AMPD3: variants seen among roughly 807,000 people sequenced by gnomAD.
AMPD3 encodes AMP deaminase 3.
AMPD3 carries 57 observed loss-of-function variants against 82.3 expected under a neutral mutation model. The ratio of observed to expected loss-of-function variants is 0.69; its 90% CI spans 0.56 to 0.86. AMPD3 has a LOEUF of 0.86. Among genes scored for constraint, AMPD3 ranks in the 40% least tolerant of loss-of-function variants. The probability of loss-of-function intolerance (pLI) is 0.00; values close to 1 mark genes in which losing one functional copy is unlikely to be tolerated. For synonymous variants in AMPD3, 381 were observed against 394.7 expected, an observed-to-expected ratio of 0.97 and a Z score of 0.41; for missense variants, 870 against 1,003.8, an observed-to-expected ratio of 0.87 and a Z score of 1.80.
chr11:10,452,657 A>C (rs144364698), upstream of AMPD3, among the ~76,000 whole-genome samples: 86 of 152,336 alleles, frequency 5.6e-4, no homozygotes, highest in East Asian at 0.014. Context: ...CAGTGTCTAG[A>C]TAAAACTTCA....
At chr11:10,480,343 G>T (rs967357024) in intron 3 of AMPD3, among the ~76,000 whole-genome samples, 1 of 152,162 alleles carries the variant, frequency 6.6e-6, no homozygotes, top group Non-Finnish European at 1.5e-5. Context: ...ATTTGGCTTC[G>T]TTGTTGGCAG....
At chr11:10,498,857 C>G (rs16907914) in intron 10 of AMPD3, among the ~76,000 whole-genome samples, 2,566 of 152,348 alleles carry the variant, frequency 0.017, 72 homozygotes, top group African/African-American at 0.053. Flanking sequence ...CAAGCCTCCC[C>G]TGTGCGCTGA....
At chr11:10,498,512 G>A (rs550690999) in intron 10 of AMPD3, 4 of 152,672 alleles carry the variant, frequency 2.6e-5, no homozygotes, top group African/African-American at 7.2e-5. Flanking sequence ...CAGAAAGTTC[G>A]GGTGAAGTAT....
At chr11:10,478,317 C>A (rs1006639819) in intron 2 of AMPD3, 2 of 985,420 alleles carry the variant, frequency 2.0e-6, no homozygotes, top group Admixed American at 6.1e-5. Context: ...ATGGTGACCA[C>A]AGGTAGGGGT....
At chr11:10,484,183 C>A in intron 4 of AMPD3, 1 of 937,234 alleles carries the variant, frequency 1.1e-6, no homozygotes, top group East Asian at 1.2e-4. Context: ...AGTCTCACAG[C>A]AGGGAAATTG....
intron 2 of AMPD3, among the ~76,000 whole-genome samples, chr11:10,462,744 A>T (rs1848308328): frequency 6.6e-6 from 1 of 152,200 alleles, no homozygotes; most frequent in Non-Finnish European, 1.5e-5. Flanking sequence ...GCCGGGAAAG[A>T]GAGAGAAAAA....
At chr11:10,463,466 C>T (rs1393473975) in intron 2 of AMPD3, among the ~76,000 whole-genome samples, 1 of 152,164 alleles carries the variant, frequency 6.6e-6, no homozygotes, top group East Asian at 1.9e-4. Context: ...ACTGTAGAGA[C>T]CCTCATTCAC....
intron 4 of AMPD3, among the ~76,000 whole-genome samples, chr11:10,483,854 A>C (rs12271597): frequency 0.7 from 106,367 of 152,124 alleles, 37,329 homozygotes; most frequent in Admixed American, 0.76. Flanking sequence ...GCAGATCTTG[A>C]GGTTTGCTCC....
chr11:10,496,360 A>G, intron 9 of AMPD3: 1 of 985,380 alleles, frequency 1.0e-6, no homozygotes. Context: ...AGTGGTCTAC[A>G]TTGCTGGCCT....
intron 4 of AMPD3, 111 bp downstream of exon 4, chr11:10,482,336 G>C (rs1316294071): frequency 2.4e-6 from 3 of 1,231,604 alleles, no homozygotes; most frequent in Non-Finnish European, 3.4e-6. Context: ...AAATGACAAT[G>C]TTCTTTCATT....
chr11:10,452,895 C>A (rs1847995117), upstream of AMPD3, among the ~76,000 whole-genome samples: 1 of 152,102 alleles, frequency 6.6e-6, no homozygotes, highest in African/African-American at 2.4e-5. Flanking sequence ...CAAGGTCATA[C>A]AACTAAGTGG....
intron 6 of AMPD3, among the ~76,000 whole-genome samples, chr11:10,488,765 G>A (rs1432650085): frequency 6.6e-6 from 1 of 152,168 alleles, no homozygotes; most frequent in East Asian, 1.9e-4. Flanking sequence ...CATCTCCACA[G>A]GAGCTCTGTC....
Position 10,478,738 on chromosome 11 carries a change from G to T in AMPD3, c.426+8G>T, listed in dbSNP as rs150321693. On this transcript the variant is annotated splice_region_variant and intron_variant, in intron 3 of 14. Transcript: ENST00000396553. ...GGAGATTACTGTGCCGGGGTAAGGCGTCTGTGAGAGTGTTGAATGTGCCTT... is the reference window on the plus strand; with the variant it reads ...GGAGATTACTGTGCCGGGGTAAGGCTTCTGTGAGAGTGTTGAATGTGCCTT... The T allele has an allele frequency of 3.1e-6, 5 of 1,609,504 alleles. No homozygotes were observed. The East Asian group carries it at 8.9e-5, about 29-fold the overall frequency.
chr11:10,499,864 A>T (rs1849526243), intron 10 of AMPD3: 1 of 985,242 alleles, frequency 1.0e-6, no homozygotes, highest in Non-Finnish European at 1.2e-6. Flanking sequence ...TCTCACCTCC[A>T]GAGTACCTAT....
chr11:10,502,045 A>T, intron 12 of AMPD3: 1 of 985,392 alleles, frequency 1.0e-6, no homozygotes, highest in Non-Finnish European at 1.2e-6. Flanking sequence ...AATTGACTCA[A>T]CCAGTCCACA....
Position 10,500,703 on chromosome 11 carries a change from C to T in AMPD3, c.1721+454C>T, listed in dbSNP as rs749602098. ...TCAGCAAATCACTGCATCTGGCATG[C>T]GATAGGCATTGCCCTGGGCACTGGA... On this transcript the variant is annotated intron_variant, in intron 11 of 14. Coordinates refer to ENST00000396553, the MANE Select transcript of AMPD3 (RefSeq NM_001025389.2). The T allele has an allele frequency of 1.5e-5, 15 of 984,698 alleles. No individual in the cohort carries two copies. In the South Asian group the frequency reaches 1.9e-4, roughly 12 times the overall value. 61.0% of individuals were successfully genotyped at this position (984,698 alleles called of 1,614,324 possible). A position where few individuals can be genotyped will look rare whatever the true frequency, so the allele number is the denominator to read the frequency against.
At chr11:10,500,411 C>T (rs1849544079) in intron 11 of AMPD3, among the ~76,000 whole-genome samples, 162 bp downstream of exon 11, 1 of 152,216 alleles carries the variant, frequency 6.6e-6, no homozygotes, top group Non-Finnish European at 1.5e-5. Context: ...CAGCACTTTC[C>T]AGCCTGCTAT....
intron 13 of AMPD3, chr11:10,503,875 T>G (rs546238104): frequency 2.7e-6 from 2 of 741,342 alleles, no homozygotes; most frequent in Non-Finnish European, 3.3e-6. Flanking sequence ...TCAAAAGGTC[T>G]TAGGACCCTC....
At chr11:10,497,470 C>A in intron 10 of AMPD3, 1 of 569,896 alleles carries the variant, frequency 1.8e-6, no homozygotes, top group Non-Finnish European at 2.2e-6. Flanking sequence ...GCGGAGGGGG[C>A]GGGAGCCGGT....
Sources: gnomAD v4.1 joint callset for allele counts (sites outside exome capture counted in the v4.1 genomes callset) on GRCh38, gnomAD v4.1.1 for gene constraint, MANE v1.5 for transcripts, NCBI Gene and HGNC (gene_info 2026-07-23, HGNC 2026-07-21) for gene names.